Variants in ADGRD1 observed in about 807,000 individuals in gnomAD.
The protein encoded by ADGRD1 is G-protein coupled receptor 133.
Under a neutral mutation model 113.4 loss-of-function variants are expected in ADGRD1, and 77 were observed. That is an observed-to-expected ratio of 0.68 (90% CI 0.57 to 0.82). The LOEUF (loss-of-function observed/expected upper bound fraction) is 0.82, where lower values mean the gene tolerates loss of function less well. Ranked by LOEUF, ADGRD1 falls within the 40% of genes least tolerant of loss-of-function variation. The pLI, the probability that ADGRD1 is intolerant of heterozygous loss-of-function variation, is 0.00. For synonymous variants in ADGRD1, 474 were observed against 475.0 expected, an observed-to-expected ratio of 1.00 and a Z score of 0.03; for missense variants, 1,036 against 1,139.1, an observed-to-expected ratio of 0.91 and a Z score of 1.30.
intron 2 of ADGRD1, chr12:130,962,545 A>G (rs961369985): frequency 2.0e-5 from 3 of 152,226 alleles, no homozygotes; most frequent in African/African-American, 4.8e-5. Context: ...TTCAAAATGA[A>G]TATCCTAGAC....
chr12:131,004,435 G>T (rs914243992), intron 11 of ADGRD1, 139 bp downstream of exon 11: 2 of 640,004 alleles, frequency 3.1e-6, no homozygotes, highest in African/African-American at 3.6e-5. Context: ...CCCCCGGACT[G>T]CCTGTCCTGT....
In ADGRD1 at chr12:130,955,436, T is replaced by C. The variant is rs901377754; in HGVS notation, c.103+776T>C. ...CCCCAGAGCCACATTCCATTGGCCA[T>C]TGTGACACCCAACCAGGAAGCATCA... On this transcript the variant is annotated intron_variant, in intron 2 of 24. Coordinates refer to ENST00000261654, the MANE Select transcript of ADGRD1 (RefSeq NM_198827.5). Among the ~76,000 whole-genome samples the C allele has an allele frequency of 4.6e-5, 7 of 152,214 alleles. No individual in the cohort carries two copies. In the East Asian group the frequency reaches 1.2e-3, roughly 25 times the overall value.
At position 131,058,004 on chromosome 12, in the gene ADGRD1, T is replaced by C. The variant is rs926980014; in HGVS notation, c.1474-18797T>C. Among the ~76,000 whole-genome samples, 11 of 152,348 alleles carry C rather than the reference T, an allele frequency of 7.2e-5. No individual in the cohort carries two copies. The South Asian group carries it at 1.0e-3, about 14-fold the overall frequency. ...TTCTGTTATTTTAACCTTTGTAACT[T>C]TATTGGGAAATAAGTATTAAGAGAA... On this transcript the variant is annotated intron_variant, in intron 13 of 24. Transcript: ENST00000261654.
At chr12:131,035,139 T>C (rs11061295) in intron 13 of ADGRD1, 70,412 of 152,632 alleles carry the variant, frequency 0.46, 19,170 homozygotes, top group Non-Finnish European at 0.61. Flanking sequence ...CGGGCCTTTG[T>C]ACACGCTGTC....
In ADGRD1 at chr12:130,987,366, G is replaced by A; in HGVS notation, c.745+17G>A. The A allele has an allele frequency of 1.2e-6, 2 of 1,613,270 alleles. No homozygotes were observed. Among genetic ancestry groups the A allele is most frequent in the Non-Finnish European group, 8.5e-7 (1 of 1,179,742 alleles). ...CTGCCATTGGTCAGTGAGTGTGAAG[G>A]GCTGGGGCAGATCCGCTGTCTGTTC... On this transcript the variant is annotated intron_variant, in intron 6 of 24. Coordinates refer to ENST00000261654, the MANE Select transcript of ADGRD1 (RefSeq NM_198827.5).
chr12:130,988,027 G>A (rs1172561210), intron 6 of ADGRD1: 1 of 152,862 alleles, frequency 6.5e-6, no homozygotes, highest in Non-Finnish European at 1.5e-5. Flanking sequence ...CCAGACTCTG[G>A]CAACCACGAA....
chr12:131,128,352 G>A (rs1244627999), intron 20 of ADGRD1, among the ~76,000 whole-genome samples: 2 of 152,054 alleles, frequency 1.3e-5, no homozygotes, highest in Non-Finnish European at 2.9e-5. Flanking sequence ...ATCCTCTCCA[G>A]CATCTCCAGG....
chr12:131,078,218 G>T (rs1426124613), intron 14 of ADGRD1, among the ~76,000 whole-genome samples: 1 of 152,238 alleles, frequency 6.6e-6, no homozygotes, highest in African/African-American at 2.4e-5. Context: ...GGGTGCAGCA[G>T]CAGGTCGGCA....
intron 9 of ADGRD1, chr12:131,002,744 G>T (rs1405747721): frequency 7.9e-7 from 1 of 1,258,084 alleles, no homozygotes; most frequent in East Asian, 5.9e-5. Flanking sequence ...CTCGGAAGCA[G>T]CCACCCTTCA....
intron 13 of ADGRD1, among the ~76,000 whole-genome samples, chr12:131,052,284 G>A (rs1470021191): frequency 3.3e-5 from 5 of 152,164 alleles, no homozygotes; most frequent in African/African-American, 4.8e-5. Context: ...TCCCACCCTG[G>A]TCAGGGCCGT....
chr12:130,964,339 G>A (rs757485842), intron 2 of ADGRD1, among the ~76,000 whole-genome samples: 35 of 152,004 alleles, frequency 2.3e-4, no homozygotes, highest in Non-Finnish European at 3.2e-4. Context: ...TTTTCCATGT[G>A]GTGAACTGGT....
At chr12:130,979,817 T>TCTCACA (rs1491498051) in intron 4 of ADGRD1, among the ~76,000 whole-genome samples, 28 of 53,934 alleles carry the variant, frequency 5.2e-4, no homozygotes, top group African/African-American at 8.5e-4. Context: ...AGCTAGTGTC[T>TCTCACA]CACACACACA....
chr12:130,987,083 A>T lies in ADGRD1; in HGVS notation c.491-12A>T. 4.3e-6 allele frequency: 7 copies of T among 1,612,704 alleles called. No individual in the cohort carries two copies. The highest frequency in any genetic ancestry group is 5.9e-6 in the Non-Finnish European group (7 of 1,178,920). ...CACAGTACTCAGAATGGCGATCTTCACTCTTTTCCAGGCCCCTATTGGACT... is the reference window on the plus strand; with the variant it reads ...CACAGTACTCAGAATGGCGATCTTCTCTCTTTTCCAGGCCCCTATTGGACT... On this transcript the variant is annotated splice_polypyrimidine_tract_variant and intron_variant, in intron 5 of 24. Transcript: ENST00000261654.
intron 13 of ADGRD1, among the ~76,000 whole-genome samples, chr12:131,018,301 G>T (rs1878882834): frequency 6.6e-6 from 1 of 152,244 alleles, no homozygotes; most frequent in South Asian, 2.1e-4. Flanking sequence ...CATTCTCCCA[G>T]GTGTCTGCAT....
At chr12:131,018,937 C>T (rs1215878667) in intron 13 of ADGRD1, among the ~76,000 whole-genome samples, 1 of 152,184 alleles carries the variant, frequency 6.6e-6, no homozygotes, top group Non-Finnish European at 1.5e-5. Context: ...AGGAGCCCAG[C>T]TGGGGCCTGA....
intron 12 of ADGRD1, among the ~76,000 whole-genome samples, chr12:131,010,508 G>A (rs898156534): frequency 3.3e-5 from 5 of 152,088 alleles, no homozygotes; most frequent in Non-Finnish European, 7.4e-5. Context: ...TTCCTGAGCC[G>A]GTCTTCTGCA....
At chr12:131,083,085 C>G (rs142364360) in intron 14 of ADGRD1, among the ~76,000 whole-genome samples, 1,705 of 152,298 alleles carry the variant, frequency 0.011, 36 homozygotes, top group African/African-American at 0.039. Flanking sequence ...ATCGGTCATG[C>G]CATCGGACAG....
intron 13 of ADGRD1, among the ~76,000 whole-genome samples, chr12:131,044,384 G>A (rs1406533647): frequency 1.3e-5 from 2 of 152,144 alleles, no homozygotes; most frequent in Non-Finnish European, 2.9e-5. Context: ...GTCCACCCAC[G>A]AGTTCCCCCC....
At chr12:131,109,733 C>T (rs1950310363) in intron 18 of ADGRD1, among the ~76,000 whole-genome samples, 1 of 152,110 alleles carries the variant, frequency 6.6e-6, no homozygotes, top group African/African-American at 2.4e-5. Flanking sequence ...TCTACAGATA[C>T]CTGTTAGGCC....
Sources: gnomAD v4.1 joint callset for allele counts (sites outside exome capture counted in the v4.1 genomes callset) on GRCh38, gnomAD v4.1.1 for gene constraint, MANE v1.5 for transcripts, NCBI Gene and HGNC (gene_info 2026-07-23, HGNC 2026-07-21) for gene names.